The following CTNNA2 variants were observed in gnomAD, a reference collection of about 807,000 sequenced individuals.
CTNNA2 encodes the protein catenin alpha-2.
CTNNA2 carries 42 observed loss-of-function variants against 101.0 expected under a neutral mutation model. The ratio of observed to expected loss-of-function variants is 0.42; its 90% CI spans 0.32 to 0.54. The LOEUF (loss-of-function observed/expected upper bound fraction) is 0.54, where lower values mean the gene tolerates loss of function less well. CTNNA2 is among the 20% of genes least tolerant of loss of function. The pLI is 0.14. For missense variants in CTNNA2, 871 were observed against 1,223.1 expected (o/e 0.71, Z 4.29); for synonymous variants, 450 against 456.4 (o/e 0.99, Z 0.18).
chr2:79,818,821 T>TTATATATATATATATATATATATATA (rs372924495), intron 3 of CTNNA2, among the ~76,000 whole-genome samples: 2 of 74,274 alleles, frequency 2.7e-5, no homozygotes, highest in African/African-American at 1.5e-4. Flanking sequence ...CAAAATGCAA[T>TTATATATATATATATATATATATATA]TATATATATA....
At chr2:80,600,333 C>CA (rs1697374024) in intron 15 of CTNNA2, among the ~76,000 whole-genome samples, 1 of 151,716 alleles carries the variant, frequency 6.6e-6, no homozygotes, top group Non-Finnish European at 1.5e-5. Context: ...ATGAAAAGCA[C>CA]AAACAGTAGT....
chr2:79,854,118 G>A (rs1314560573), intron 3 of CTNNA2, among the ~76,000 whole-genome samples: 1 of 137,984 alleles, frequency 7.2e-6, no homozygotes, highest in African/African-American at 2.7e-5. Context: ...TAAAAGCAGA[G>A]CACCATTTTT....
chr2:80,147,212 G>A (rs1039635001), intron 7 of CTNNA2, among the ~76,000 whole-genome samples: 32 of 151,736 alleles, frequency 2.1e-4, no homozygotes, highest in African/African-American at 2.2e-4. Context: ...GTGATCCACC[G>A]GCCTTGGCTT....
At chr2:79,962,841 G>A (rs1346872927) in intron 7 of CTNNA2, among the ~76,000 whole-genome samples, 3 of 152,150 alleles carry the variant, frequency 2.0e-5, no homozygotes, top group Non-Finnish European at 4.4e-5. Flanking sequence ...GGAGGCCGAG[G>A]CGGGCGGATC....
intron 3 of CTNNA2, among the ~76,000 whole-genome samples, chr2:79,362,364 A>G (rs1677650538): frequency 1.3e-5 from 2 of 152,214 alleles, no homozygotes; most frequent in African/African-American, 4.8e-5. Flanking sequence ...ACATGTTTTG[A>G]ACTATGTATA....
intron 9 of CTNNA2, among the ~76,000 whole-genome samples, chr2:80,510,037 G>A (rs1559168458): frequency 6.6e-6 from 1 of 152,164 alleles, no homozygotes; most frequent in Non-Finnish European, 1.5e-5. Flanking sequence ...ATAGGGCAAT[G>A]CCTATGTTCT....
intron 3 of CTNNA2, among the ~76,000 whole-genome samples, chr2:79,805,720 G>A (rs1319372071): frequency 2.6e-5 from 4 of 151,974 alleles, no homozygotes; most frequent in Non-Finnish European, 5.9e-5. Flanking sequence ...GGTGGATCAC[G>A]AGGTCAGGAG....
chr2:79,437,817 T>C (rs906729404), intron 4 of CTNNA2, among the ~76,000 whole-genome samples: 2 of 152,156 alleles, frequency 1.3e-5, no homozygotes, highest in African/African-American at 2.4e-5. Context: ...TAAGTGGTAA[T>C]GAATCTAACG....
At chr2:79,789,673 C>T (rs533828872) in intron 3 of CTNNA2, among the ~76,000 whole-genome samples, 10 of 152,018 alleles carry the variant, frequency 6.6e-5, no homozygotes, top group African/African-American at 2.2e-4. Context: ...AGGACAAACA[C>T]GTGGCACATT....
chr2:79,308,113 C>T (rs1401703228), intron 2 of CTNNA2, among the ~76,000 whole-genome samples: 1 of 152,128 alleles, frequency 6.6e-6, no homozygotes. Context: ...GGCATGATCT[C>T]GGCTCACTGC....
At chr2:79,418,389 G>A (rs6724222) in intron 4 of CTNNA2, among the ~76,000 whole-genome samples, 45,357 of 151,982 alleles carry the variant, frequency 0.3, 6,915 homozygotes, top group South Asian at 0.44. Context: ...CACTTAAACT[G>A]TAAACTAAAT....
At chr2:80,214,952 C>T (rs1005529401) in intron 7 of CTNNA2, among the ~76,000 whole-genome samples, 59 of 152,210 alleles carry the variant, frequency 3.9e-4, no homozygotes, top group African/African-American at 1.3e-3. Context: ...AGCCTTTGTT[C>T]GTTTCTTTTA....
intron 7 of CTNNA2, among the ~76,000 whole-genome samples, chr2:79,999,735 C>A (rs1194224464): frequency 1.3e-5 from 2 of 152,264 alleles, no homozygotes; most frequent in East Asian, 3.9e-4. Flanking sequence ...CTCCTATGAG[C>A]CCAGTACAGC....
intron 9 of CTNNA2, among the ~76,000 whole-genome samples, chr2:80,492,183 C>T (rs781025621): frequency 9.2e-5 from 14 of 152,228 alleles, no homozygotes; most frequent in South Asian, 2.1e-4. Flanking sequence ...TGTATTCTCA[C>T]GAGATCTGGT....
chr2:79,894,075 C>CTCG, intron 6 of CTNNA2, among the ~76,000 whole-genome samples: 1 of 149,988 alleles, frequency 6.7e-6, no homozygotes, highest in Non-Finnish European at 1.5e-5. Context: ...CCTCCTCCTC[C>CTCG]TCCTCCTTCT....
Position 79,662,553 on chromosome 2 carries a change from G to C in CTNNA2, c.102+10895G>C, listed in dbSNP as rs892231851. On this transcript the variant is annotated intron_variant, in intron 2 of 18. Transcript: ENST00000402739. ...ATGTAGAAATATTATCTGAACTGGA[G>C]ACCAAAAAATCCATTACACCAAGCA... 2.0e-5 allele frequency among the ~76,000 whole-genome samples: 3 copies of C among 151,968 alleles called. No homozygotes were observed. The East Asian group carries it at 5.8e-4, about 30-fold the overall frequency.
intron 7 of CTNNA2, among the ~76,000 whole-genome samples, chr2:80,353,274 AC>A (rs1431566396): frequency 6.6e-6 from 1 of 152,070 alleles, no homozygotes; most frequent in East Asian, 1.9e-4. Context: ...GCAATAAGGG[AC>A]AAAATTCTGC....
chr2:80,262,338 A>G (rs1329848735), intron 7 of CTNNA2, among the ~76,000 whole-genome samples: 1 of 152,210 alleles, frequency 6.6e-6, no homozygotes, highest in Non-Finnish European at 1.5e-5. Context: ...TCTATAGATT[A>G]TCCTCTAACC....
Position 79,716,321 on chromosome 2 carries a change from G to A in CTNNA2, c.103-28066G>A, listed in dbSNP as rs138943730. On this transcript the variant is annotated intron_variant, in intron 2 of 18. Transcript: ENST00000402739. ...TCAGGGGTACACATCCAGATGTGCC[G>A]GTTTGTTACATAGGTAAACATGTGC... 8.3e-3 allele frequency among the ~76,000 whole-genome samples: 1,270 copies of A among 152,112 alleles called. 13 individuals are homozygous for A. The highest frequency in any genetic ancestry group is 0.029 in the African/African-American group (1,209 of 41,494).
Sources: gnomAD v4.1 joint callset for allele counts (sites outside exome capture counted in the v4.1 genomes callset) on GRCh38, gnomAD v4.1.1 for gene constraint, MANE v1.5 for transcripts, NCBI Gene and HGNC (gene_info 2026-07-23, HGNC 2026-07-21) for gene names.